Variants in CHODL observed in about 807,000 individuals in gnomAD.
The protein encoded by CHODL is chondrolectin.
CHODL carries 29 observed loss-of-function variants against 34.5 expected under a neutral mutation model. That is an observed-to-expected ratio of 0.84 (90% confidence interval 0.63 to 1.15). The LOEUF is 1.15. Among genes scored for constraint, CHODL ranks in the 50% most tolerant of loss-of-function variants. The probability of loss-of-function intolerance (pLI) is 0.00; values close to 1 mark genes in which losing one functional copy is unlikely to be tolerated. For missense variants in CHODL, 332 were observed against 332.5 expected, an observed-to-expected ratio of 1.00 and a Z score of 0.01; for synonymous variants, 125 against 116.1, an observed-to-expected ratio of 1.08 and a Z score of -0.49.
At chr21:18,111,017 A>G (rs909799454) in intron 2 of CHODL, among the ~76,000 whole-genome samples, 1 of 152,168 alleles carries the variant, frequency 6.6e-6, no homozygotes, top group African/African-American at 2.4e-5. Context: ...ATGTAGATTC[A>G]AACTGGGACA....
chr21:18,192,594 T>C (rs73893021), intron 2 of CHODL, among the ~76,000 whole-genome samples: 1 of 152,318 alleles, frequency 6.6e-6, no homozygotes, highest in African/African-American at 2.4e-5. Context: ...GTGCTATATT[T>C]TAACTTGGAC....
intron 1 of CHODL, among the ~76,000 whole-genome samples, chr21:17,940,239 A>G (rs534154326): frequency 6.6e-6 from 1 of 152,192 alleles, no homozygotes; most frequent in South Asian, 2.1e-4. Context: ...AAAAGATATT[A>G]CAGAAATATT....
intron 2 of CHODL, among the ~76,000 whole-genome samples, chr21:18,111,052 A>G (rs1432835908): frequency 6.6e-6 from 1 of 152,172 alleles, no homozygotes; most frequent in Non-Finnish European, 1.5e-5. Flanking sequence ...GGAATATTAG[A>G]GTGTAATATT....
At chr21:18,110,886 CT>C (rs974581849) in intron 2 of CHODL, among the ~76,000 whole-genome samples, 12 of 151,492 alleles carry the variant, frequency 7.9e-5, no homozygotes, top group Admixed American at 1.3e-4. Context: ...TTGTGCTTGA[CT>C]TTTTTTTTCT....
intron 2 of CHODL, among the ~76,000 whole-genome samples, chr21:18,176,321 C>A (rs192741055): frequency 2.0e-5 from 3 of 152,258 alleles, no homozygotes; most frequent in African/African-American, 7.2e-5. Flanking sequence ...TTCATGTAGT[C>A]TGTTAGTTAT....
At chr21:18,081,551 C>T (rs111620753) in intron 2 of CHODL, among the ~76,000 whole-genome samples, 5,793 of 152,036 alleles carry the variant, frequency 0.038, 175 homozygotes, top group Non-Finnish European at 0.057. Flanking sequence ...CATGGTGATG[C>T]GTGCCTGTAA....
intron 2 of CHODL, among the ~76,000 whole-genome samples, chr21:18,123,937 T>G (rs1294602534): frequency 6.6e-6 from 1 of 151,950 alleles, no homozygotes; most frequent in Non-Finnish European, 1.5e-5. Context: ...AATCCCAGCA[T>G]TTTGGGAGGC....
chr21:18,205,944 T>G (rs1166986603), intron 2 of CHODL, among the ~76,000 whole-genome samples: 1 of 152,118 alleles, frequency 6.6e-6, no homozygotes, highest in Admixed American at 6.5e-5. Context: ...TTGTATAGTT[T>G]TCAAAATTCC....
intron 1 of CHODL, among the ~76,000 whole-genome samples, chr21:17,961,243 T>G (rs1299955236): frequency 6.6e-6 from 1 of 152,222 alleles, no homozygotes; most frequent in African/African-American, 2.4e-5. Flanking sequence ...TCTTTATGCC[T>G]GAGAATTAAG....
At chr21:18,093,260 G>C (rs2065096193) in intron 2 of CHODL, among the ~76,000 whole-genome samples, 1 of 152,122 alleles carries the variant, frequency 6.6e-6, no homozygotes, top group East Asian at 1.9e-4. Context: ...AAGCATGAAT[G>C]AGGTGTAAAG....
chr21:18,098,930 TG>T (rs34118982), intron 2 of CHODL, among the ~76,000 whole-genome samples: 60,854 of 151,820 alleles, frequency 0.4, 13,459 homozygotes, highest in Non-Finnish European at 0.51. Flanking sequence ...TGCAACAACA[TG>T]GATGGAACTG....
chr21:17,927,160 G>GTATATATATATATATGTATATATGTA (rs61103356), intron 1 of CHODL, among the ~76,000 whole-genome samples: 6 of 67,946 alleles, frequency 8.8e-5, no homozygotes, highest in African/African-American at 1.9e-4. Context: ...GTATATATAT[G>GTATATATATATATATGTATATATGTA]TATATATGTA....
At chr21:18,001,298 A>G (rs2063903442) in intron 1 of CHODL, among the ~76,000 whole-genome samples, 1 of 152,228 alleles carries the variant, frequency 6.6e-6, no homozygotes, top group Non-Finnish European at 1.5e-5. Flanking sequence ...GTATGAGAAC[A>G]AGGGTCACCC....
intron 2 of CHODL, among the ~76,000 whole-genome samples, chr21:18,171,333 A>T (rs1206005032): frequency 1.3e-5 from 2 of 148,402 alleles, no homozygotes; most frequent in Non-Finnish European, 3.0e-5. Flanking sequence ...CAGCCTCCCG[A>T]GTAGCTGGGA....
intron 5 of CHODL, 73 bp downstream of exon 5, chr21:18,262,966 A>C: frequency 1.2e-6 from 1 of 820,564 alleles, no homozygotes; most frequent in Admixed American, 2.0e-5. Flanking sequence ...TAAAACTATT[A>C]GCATAAAGTT....
intron 2 of CHODL, among the ~76,000 whole-genome samples, chr21:18,098,352 A>T (rs564565193): frequency 1.1e-4 from 16 of 152,142 alleles, no homozygotes; most frequent in African/African-American, 3.9e-4. Flanking sequence ...GGGCCTCAAT[A>T]ACTCTATAGG....
At chr21:17,923,785 C>G (rs1252251119) in intron 1 of CHODL, among the ~76,000 whole-genome samples, 2 of 152,118 alleles carry the variant, frequency 1.3e-5, no homozygotes, top group East Asian at 3.9e-4. Context: ...ATACAAGTCC[C>G]AAAGGCCAGG....
chr21:18,021,148 T>G (rs2064124187), intron 1 of CHODL, among the ~76,000 whole-genome samples: 1 of 152,186 alleles, frequency 6.6e-6, no homozygotes, highest in Non-Finnish European at 1.5e-5. Flanking sequence ...TGGCCTTGGA[T>G]GACATTGGTT....
chr21:17,943,409 T>C (rs1301576040), intron 1 of CHODL, among the ~76,000 whole-genome samples: 1 of 152,226 alleles, frequency 6.6e-6, no homozygotes, highest in Non-Finnish European at 1.5e-5. Context: ...TTAGTTGCAA[T>C]AACTCTTTTA....
Sources: gnomAD v4.1 joint callset for allele counts (sites outside exome capture counted in the v4.1 genomes callset) on GRCh38, gnomAD v4.1.1 for gene constraint, MANE v1.5 for transcripts, NCBI Gene and HGNC (gene_info 2026-07-23, HGNC 2026-07-21) for gene names.